IMMP2L: variants seen among roughly 807,000 people sequenced by gnomAD.
IMMP2L encodes mitochondrial inner membrane protease subunit 2.
IMMP2L carries 18 observed loss-of-function variants against 19.3 expected under a neutral mutation model. That is an observed-to-expected ratio of 0.93 (90% confidence interval 0.64 to 1.38). The LOEUF is 1.38. Among genes scored for constraint, IMMP2L ranks in the 40% most tolerant of loss-of-function variants. The pLI, the probability that IMMP2L is intolerant of heterozygous loss-of-function variation, is 0.00. For synonymous variants in IMMP2L, 76 were observed against 73.0 expected, an observed-to-expected ratio of 1.04 and a Z score of -0.21; for missense variants, 233 against 218.2, an observed-to-expected ratio of 1.07 and a Z score of -0.43.
intron 3 of IMMP2L, among the ~76,000 whole-genome samples, chr7:111,203,826 A>T (rs1226749680): frequency 1.3e-5 from 2 of 152,142 alleles, no homozygotes; most frequent in Non-Finnish European, 2.9e-5. Flanking sequence ...TAGCTCTCAA[A>T]TATTTGAAAA....
At chr7:111,072,884 CAGAGCA>C (rs1396080195) in intron 3 of IMMP2L, among the ~76,000 whole-genome samples, 1 of 132,540 alleles carries the variant, frequency 7.5e-6, no homozygotes, top group Non-Finnish European at 1.5e-5. Context: ...GCCTGGGTGA[CAGAGCA>C]AGACTGTCTC....
At position 110,958,257 on chromosome 7, in the gene IMMP2L, T is replaced by C. The variant is rs190330289; in HGVS notation, c.305+5243A>G. 5.4e-3 allele frequency among the ~76,000 whole-genome samples: 822 copies of C among 152,108 alleles called. 4 individuals carry two copies. Among genetic ancestry groups the C allele is most frequent in the Non-Finnish European group, 6.3e-3 (429 of 67,946 alleles). ...ACCTCTTGAGAGGAAAATTTGGCAG[T>C]ATATATTGGAACTAAAAATAACAAC... is the stretch of plus-strand genomic sequence containing the variant. On this transcript the variant is annotated intron_variant, in intron 4 of 5. Coordinates refer to ENST00000405709, the MANE Select transcript of IMMP2L (RefSeq NM_032549.4).
chr7:111,549,241 C>T (rs1441006606), intron 1 of IMMP2L, among the ~76,000 whole-genome samples: 2 of 152,068 alleles, frequency 1.3e-5, no homozygotes, highest in African/African-American at 2.4e-5. Context: ...ACTCATTAAC[C>T]GAACAATTCC....
chr7:111,433,314 A>G (rs1836825305), intron 3 of IMMP2L, among the ~76,000 whole-genome samples: 2 of 151,870 alleles, frequency 1.3e-5, no homozygotes, highest in Admixed American at 6.6e-5. Context: ...TAGACTGGGC[A>G]ATTTACAAAA....
At chr7:111,493,892 C>A (rs1408889270) in intron 2 of IMMP2L, among the ~76,000 whole-genome samples, 1 of 150,744 alleles carries the variant, frequency 6.6e-6, no homozygotes, top group Non-Finnish European at 1.5e-5. Context: ...CCCAGCTACT[C>A]GGGAGGCTGA....
rs2130805351 is a variant in IMMP2L, at chr7:110,728,973, C to T, written c.409-65252G>A. On this transcript the variant is annotated intron_variant, in intron 5 of 5. Transcript: ENST00000405709. This position sits in a 1 kb window ranked among gnomAD's most constrained non-coding sequence, Gnocchi z 4.6. ...TGGCGCGATCTCAGCTCACAGCAAC[C>T]TCCGTCTCCCAGGTTCAAGAGATTC... Among the ~76,000 whole-genome samples the T allele has an allele frequency of 1.3e-5, 2 of 152,260 alleles. No homozygotes were observed. Among genetic ancestry groups the T allele is most frequent in the African/African-American group, 4.8e-5 (2 of 41,554 alleles).
intron 3 of IMMP2L, among the ~76,000 whole-genome samples, chr7:111,104,519 G>A (rs1586291550): frequency 1.3e-5 from 2 of 151,686 alleles, no homozygotes; most frequent in South Asian, 2.1e-4. Flanking sequence ...TTTTTAAAAG[G>A]CTGAGGGGAC....
chr7:110,845,050 A>G (rs1160465368), intron 5 of IMMP2L, among the ~76,000 whole-genome samples: 1 of 152,136 alleles, frequency 6.6e-6, no homozygotes, highest in South Asian at 2.1e-4. Context: ...AGCATGTGTC[A>G]TAACTCCAAT....
intron 1 of IMMP2L, among the ~76,000 whole-genome samples, chr7:111,539,159 G>GGAAA (rs1349164746): frequency 2.0e-5 from 1 of 50,982 alleles, no homozygotes; most frequent in East Asian, 4.4e-4. Flanking sequence ...AAGGAAGGAA[G>GGAAA]GAAGGAAGGA....
At chr7:110,951,661 TA>T (rs1391379597) in intron 4 of IMMP2L, among the ~76,000 whole-genome samples, 6 of 151,892 alleles carry the variant, frequency 4.0e-5, no homozygotes, top group African/African-American at 1.5e-4. Flanking sequence ...CAGAAATCAA[TA>T]ACTTTGCCAA....
intron 3 of IMMP2L, among the ~76,000 whole-genome samples, chr7:111,154,832 A>C (rs1315712698): frequency 6.6e-6 from 1 of 152,124 alleles, no homozygotes; most frequent in Non-Finnish European, 1.5e-5. Context: ...ACCATGGTTC[A>C]TTGCAGCCTT....
intron 1 of IMMP2L, among the ~76,000 whole-genome samples, chr7:111,559,528 A>G (rs1791768953): frequency 6.6e-6 from 1 of 152,094 alleles, no homozygotes. Context: ...GAATGATCTG[A>G]TAAGGCCACA....
At chr7:111,266,262 G>A (rs1817819271) in intron 3 of IMMP2L, among the ~76,000 whole-genome samples, 2 of 152,100 alleles carry the variant, frequency 1.3e-5, no homozygotes, top group African/African-American at 4.8e-5. Context: ...AAACCAGGGA[G>A]CCAGGCACGG....
intron 3 of IMMP2L, among the ~76,000 whole-genome samples, chr7:111,371,825 T>C (rs2131110974): frequency 6.6e-6 from 1 of 152,186 alleles, no homozygotes; most frequent in South Asian, 2.1e-4. Context: ...AACTATTCTT[T>C]GAAGCAAAAC....
Position 110,670,832 on chromosome 7 carries a change from C to G in IMMP2L, c.409-7111G>C, listed in dbSNP as rs561046498. Among the ~76,000 whole-genome samples, 6 of 152,036 alleles carry G rather than the reference C, an allele frequency of 3.9e-5. No homozygotes were observed. In the East Asian group the frequency reaches 9.7e-4, roughly 25 times the overall value. On this transcript the variant is annotated intron_variant, in intron 5 of 5. Transcript: ENST00000405709. ...TGAGAGAAAAACAAAACAATTTTTG[C>G]TTTGAAGAAAAAGAGAGAGATGCTA...
intron 4 of IMMP2L, among the ~76,000 whole-genome samples, chr7:110,954,558 A>G (rs1818175335): frequency 6.6e-6 from 1 of 152,182 alleles, no homozygotes; most frequent in Admixed American, 6.6e-5. Flanking sequence ...AATTATATCC[A>G]TTATTTCATA....
chr7:110,995,525 G>C (rs1367382524), intron 3 of IMMP2L, among the ~76,000 whole-genome samples: 2 of 152,138 alleles, frequency 1.3e-5, no homozygotes, highest in Admixed American at 1.3e-4. Flanking sequence ...TTTTTATGGA[G>C]TTTGGTTCAA....
At chr7:110,909,926 C>CAGAGAGAGAGAGAG (rs139251144) in intron 4 of IMMP2L, among the ~76,000 whole-genome samples, 329 of 145,816 alleles carry the variant, frequency 2.3e-3, no homozygotes, top group African/African-American at 7.0e-3. Context: ...GAGAGATAGA[C>CAGAGAGAGAGAGAG]AGAGAGAGAG....
At chr7:110,664,043 A>C (rs1791253209) in intron 5 of IMMP2L, among the ~76,000 whole-genome samples, 1 of 152,182 alleles carries the variant, frequency 6.6e-6, no homozygotes, top group Admixed American at 6.5e-5. Flanking sequence ...GCCAAAATTC[A>C]TACAGCTACC....
Sources: allele counts gnomAD v4.1 joint callset (sites outside exome capture counted in the v4.1 genomes callset), GRCh38; gene constraint gnomAD v4.1.1; non-coding constraint Gnocchi (gnomAD v3.1); transcripts MANE v1.5; gene names NCBI Gene and HGNC (gene_info 2026-07-23, HGNC 2026-07-21).